BACH2: variants seen among roughly 807,000 people sequenced by gnomAD.
The protein encoded by BACH2 is transcription regulator protein BACH2.
A neutral mutation model predicts 61.8 loss-of-function variants in BACH2; 5 were observed. The observed-to-expected ratio is 0.08, with a 90% CI of 0.04 to 0.17. BACH2 has a LOEUF of 0.17. BACH2 is among the 10% of genes least tolerant of loss of function. The pLI, the probability that BACH2 is intolerant of heterozygous loss-of-function variation, is 1.00. For missense variants in BACH2, 824 were observed against 1,091.1 expected (o/e 0.76, Z 3.45); for synonymous variants, 446 against 440.1 (o/e 1.01, Z -0.17).
At chr6:90,183,439 C>CCTAA (rs1768236024) in intron 4 of BACH2, among the ~76,000 whole-genome samples, 1 of 152,170 alleles carries the variant, frequency 6.6e-6, no homozygotes, top group African/African-American at 2.4e-5. Flanking sequence ...TTCTAACATG[C>CCTAA]CTAATAACAT....
chr6:89,946,677 A>G (rs868082320), intron 7 of BACH2, among the ~76,000 whole-genome samples: 6 of 152,346 alleles, frequency 3.9e-5, no homozygotes, highest in Middle Eastern at 6.8e-3. Flanking sequence ...AGCTACGTGA[A>G]AAAAGGAAGC....
chr6:90,073,072 C>T (rs899279347), intron 5 of BACH2, among the ~76,000 whole-genome samples: 1 of 152,216 alleles, frequency 6.6e-6, no homozygotes, highest in Non-Finnish European at 1.5e-5. Flanking sequence ...TACTACCATC[C>T]TCGCTCACAG....
At chr6:89,938,042 A>G in intron 8 of BACH2, 102 bp downstream of exon 8, 3 of 1,139,188 alleles carry the variant, frequency 2.6e-6, no homozygotes, top group Non-Finnish European at 3.8e-6. Flanking sequence ...AAACTTCCGC[A>G]AAGGGTGACC....
chr6:90,231,868 C>T (rs897269504), intron 3 of BACH2, among the ~76,000 whole-genome samples: 6 of 152,052 alleles, frequency 3.9e-5, no homozygotes, highest in Non-Finnish European at 8.8e-5. Context: ...TTAAGAGAGC[C>T]TTGGAGATAA....
At chr6:89,937,954 GACACACAA>G (rs886333638) in intron 8 of BACH2, among the ~76,000 whole-genome samples, 182 bp downstream of exon 8, 3 of 151,318 alleles carry the variant, frequency 2.0e-5, no homozygotes, top group Non-Finnish European at 4.4e-5. Context: ...TGCGCGTGCA[GACACACAA>G]ACACACACAC....
At chr6:90,227,182 C>T (rs1343286016) in intron 3 of BACH2, among the ~76,000 whole-genome samples, 1 of 152,214 alleles carries the variant, frequency 6.6e-6, no homozygotes, top group African/African-American at 2.4e-5. Flanking sequence ...TTTCAAAGTG[C>T]AGCATCTTCT....
At chr6:90,186,481 G>C (rs983019396) in intron 4 of BACH2, among the ~76,000 whole-genome samples, 2 of 152,162 alleles carry the variant, frequency 1.3e-5, no homozygotes, top group African/African-American at 4.8e-5. Context: ...TACGGTGGCT[G>C]TAAGAAGTTA....
At chr6:90,111,810 C>A (rs1292669660) in intron 4 of BACH2, among the ~76,000 whole-genome samples, 1 of 152,200 alleles carries the variant, frequency 6.6e-6, no homozygotes, top group African/African-American at 2.4e-5. Context: ...TGAGTTTCCA[C>A]AAGGGTAGGA....
At chr6:90,212,812 A>G (rs1369587629) in intron 3 of BACH2, among the ~76,000 whole-genome samples, 1 of 152,226 alleles carries the variant, frequency 6.6e-6, no homozygotes, top group Non-Finnish European at 1.5e-5. Context: ...CACGCACACA[A>G]ATAGTCTGAG....
rs549373615 is a variant in BACH2 at position 90,115,457 on chromosome 6, G to A, written c.-161-26348C>T. On this transcript the variant is annotated intron_variant, in intron 4 of 8. Transcript: ENST00000257749. The stretch of plus-strand genomic sequence containing the variant: ...TTCAATAAATGGTGCTGGGATAACT[G>A]GCTAGCTATATGCAGAAGATTGAAG... Among the ~76,000 whole-genome samples the A allele has an allele frequency of 2.6e-5, 4 of 152,226 alleles. No homozygotes were observed. The East Asian group carries it at 7.7e-4, about 29-fold the overall frequency.
rs115390024 is a variant in BACH2 at position 90,278,997 on chromosome 6, T to C, written c.-445-7056A>G. Among the ~76,000 whole-genome samples, 815 of 152,280 alleles carry C rather than the reference T, an allele frequency of 5.4e-3. 6 individuals carry two copies. The highest frequency in any genetic ancestry group is 0.019 in the African/African-American group (777 of 41,548). On this transcript the variant is annotated intron_variant, in intron 1 of 8. Coordinates refer to ENST00000257749, the MANE Select transcript of BACH2 (RefSeq NM_021813.4). Reference sequence around the variant, plus strand: ...CAACATGTAATCAACATAATAAAAATTATCAAGGAGATATATATCCTTTTT... The same window carrying C: ...CAACATGTAATCAACATAATAAAAACTATCAAGGAGATATATATCCTTTTT...
chr6:90,210,446 C>A (rs1582488886), intron 3 of BACH2, among the ~76,000 whole-genome samples: 1 of 151,884 alleles, frequency 6.6e-6, no homozygotes, highest in African/African-American at 2.4e-5. Context: ...TGGACAGCAA[C>A]CAAAAAGACT....
At chr6:90,043,681 G>C (rs900903195) in intron 5 of BACH2, among the ~76,000 whole-genome samples, 6 of 152,160 alleles carry the variant, frequency 3.9e-5, no homozygotes, top group Non-Finnish European at 7.4e-5. Flanking sequence ...ACAGCTCCAT[G>C]CTGTTGCATG....
chr6:90,101,435 A>C (rs1254654372), intron 4 of BACH2, among the ~76,000 whole-genome samples: 1 of 152,196 alleles, frequency 6.6e-6, no homozygotes, highest in African/African-American at 2.4e-5. Flanking sequence ...GTATAAGTCC[A>C]AGTTCATTCT....
At chr6:89,957,908 A>C (rs1774514474) in intron 6 of BACH2, among the ~76,000 whole-genome samples, 1 of 152,174 alleles carries the variant, frequency 6.6e-6, no homozygotes, top group Non-Finnish European at 1.5e-5. Flanking sequence ...ATAAAAACTA[A>C]ATCAACATTG....
chr6:90,109,584 A>G (rs770081425), intron 4 of BACH2, among the ~76,000 whole-genome samples: 1 of 152,012 alleles, frequency 6.6e-6, no homozygotes, highest in Non-Finnish European at 1.5e-5. Context: ...CCAATTTCCT[A>G]CTCAGCACCT....
intron 5 of BACH2, among the ~76,000 whole-genome samples, chr6:90,084,363 T>C (rs1781841330): frequency 1.3e-5 from 2 of 151,952 alleles, no homozygotes; most frequent in South Asian, 4.2e-4. Flanking sequence ...AGTGTGTCTA[T>C]CTAAAAATTC....
At chr6:90,229,283 A>AC (rs995614399) in intron 3 of BACH2, among the ~76,000 whole-genome samples, 17 of 152,128 alleles carry the variant, frequency 1.1e-4, no homozygotes, top group Admixed American at 7.9e-4. Flanking sequence ...ACATGGTGAA[A>AC]CCCCGTCTAT....
At chr6:90,065,830 C>G (rs926651631) in intron 5 of BACH2, among the ~76,000 whole-genome samples, 1 of 152,122 alleles carries the variant, frequency 6.6e-6, no homozygotes, top group Non-Finnish European at 1.5e-5. Flanking sequence ...TGTGGAAGCA[C>G]GACACGTGTG....
Sources: gnomAD v4.1 joint callset for allele counts (sites outside exome capture counted in the v4.1 genomes callset) on GRCh38, gnomAD v4.1.1 for gene constraint, MANE v1.5 for transcripts, NCBI Gene and HGNC (gene_info 2026-07-23, HGNC 2026-07-21) for gene names.